The following RBFOX3 variants were observed in gnomAD, a reference collection of about 807,000 sequenced individuals.
RBFOX3 encodes the protein RNA binding fox-1 homolog 3, also known as RNA binding protein fox-1 homolog 3.
RBFOX3 carries 17 observed loss-of-function variants against 48.7 expected under a neutral mutation model. That is an observed-to-expected ratio of 0.35 (90% CI 0.24 to 0.52). The LOEUF is 0.52. RBFOX3 is among the 20% of genes least tolerant of loss of function. RBFOX3 has a pLI of 0.94. For missense variants in RBFOX3, 382 were observed against 497.5 expected (o/e 0.77, Z 2.21); for synonymous variants, 212 against 209.5 (o/e 1.01, Z -0.10).
intron 2 of RBFOX3, among the ~76,000 whole-genome samples, chr17:79,332,585 AAC>A (rs1466534858): frequency 6.6e-6 from 1 of 152,084 alleles, no homozygotes; most frequent in Non-Finnish European, 1.5e-5. Flanking sequence ...AGAAACATAG[AAC>A]CAGAGAGACA....
chr17:79,618,803 C>T, the RBFOX3 span, among the ~76,000 whole-genome samples: 2 of 152,178 alleles, frequency 1.3e-5, no homozygotes, highest in African/African-American at 4.8e-5. Context: ...GAAGTCTTTC[C>T]TCTCAATATC....
intron 3 of RBFOX3, among the ~76,000 whole-genome samples, chr17:79,270,786 G>A (rs1308617519): frequency 6.6e-6 from 1 of 152,224 alleles, no homozygotes; most frequent in Non-Finnish European, 1.5e-5. Flanking sequence ...CAAACACACA[G>A]AGGGACAACA....
chr17:79,664,241 C>G, the RBFOX3 span, among the ~76,000 whole-genome samples: 4 of 151,782 alleles, frequency 2.6e-5, no homozygotes, highest in Admixed American at 1.3e-4. Context: ...GTGGCGCAAT[C>G]TCAGCTCACT....
intron 2 of RBFOX3, among the ~76,000 whole-genome samples, chr17:79,403,090 G>C (rs1254319754): frequency 6.6e-6 from 1 of 152,216 alleles, no homozygotes; most frequent in Admixed American, 6.5e-5. Context: ...TGGCCTTGCT[G>C]GGAGAGGACT....
intron 3 of RBFOX3, among the ~76,000 whole-genome samples, chr17:79,303,064 A>G (rs1372108907): frequency 4.6e-5 from 7 of 151,880 alleles, no homozygotes; most frequent in Non-Finnish European, 7.4e-5. Flanking sequence ...CAAAAATTAG[A>G]TGGTTTTGAT....
chr17:79,388,569 A>G (rs1393084324), intron 2 of RBFOX3, among the ~76,000 whole-genome samples: 1 of 152,194 alleles, frequency 6.6e-6, no homozygotes, highest in East Asian at 1.9e-4. Flanking sequence ...TTTTAAAAAC[A>G]GGGGATTTAA....
At chr17:79,463,660 C>T (rs1241228013) in intron 2 of RBFOX3, among the ~76,000 whole-genome samples, 16 of 141,916 alleles carry the variant, frequency 1.1e-4, no homozygotes, top group African/African-American at 3.8e-4. Context: ...CCACCATCGC[C>T]ACCGCCACCT....
chr17:79,297,757 C>T (rs549246821), intron 3 of RBFOX3, among the ~76,000 whole-genome samples: 2 of 152,350 alleles, frequency 1.3e-5, no homozygotes, highest in African/African-American at 2.4e-5. Context: ...AAGTTATGCC[C>T]TTGGAATTGG....
At chr17:79,438,485 C>A (rs2070079596) in intron 2 of RBFOX3, among the ~76,000 whole-genome samples, 1 of 152,252 alleles carries the variant, frequency 6.6e-6, no homozygotes, top group South Asian at 2.1e-4. Flanking sequence ...GCTCTGCTCT[C>A]CTGGATCTCT....
At chr17:79,536,021 C>G (rs559131495) in intron 1 of RBFOX3, among the ~76,000 whole-genome samples, 1 of 152,296 alleles carries the variant, frequency 6.6e-6, no homozygotes, top group South Asian at 2.1e-4. Context: ...ACTTTCATTC[C>G]TGGCTAGATT....
chr17:79,327,772 T>G (rs577254439), intron 2 of RBFOX3, among the ~76,000 whole-genome samples: 43 of 152,306 alleles, frequency 2.8e-4, no homozygotes, highest in Non-Finnish European at 5.6e-4. Context: ...CTTGGCTCAC[T>G]GCAACCTCCG....
chr17:79,452,980 C>T (rs549725241), intron 2 of RBFOX3, among the ~76,000 whole-genome samples: 1 of 152,228 alleles, frequency 6.6e-6, no homozygotes, highest in Non-Finnish European at 1.5e-5. Context: ...AGACGTGCAG[C>T]TTGGAGCACA....
chr17:79,612,163 G>A (rs1292215702), upstream of RBFOX3, among the ~76,000 whole-genome samples: 1 of 152,192 alleles, frequency 6.6e-6, no homozygotes, highest in African/African-American at 2.4e-5. Context: ...AGGAGGCTGA[G>A]TAATCATTTC....
chr17:79,488,045 C>G (rs1225734783), intron 1 of RBFOX3, among the ~76,000 whole-genome samples: 1 of 151,966 alleles, frequency 6.6e-6, no homozygotes, highest in Non-Finnish European at 1.5e-5. Context: ...AATGAACTTC[C>G]CATTCTACAT....
chr17:79,606,144 T>C (rs2145456927), intron 1 of RBFOX3, among the ~76,000 whole-genome samples: 1 of 152,242 alleles, frequency 6.6e-6, no homozygotes, highest in African/African-American at 2.4e-5. Context: ...CTGGTCTGTC[T>C]AGAGACCAGG....
In RBFOX3 at chr17:79,147,557, G is replaced by C. The variant is rs546173575; in HGVS notation, c.-33-31809C>G. Reference sequence around the variant, plus strand: ...AGATCGGGAGGATCTCATTGGGGAGGGGGGGGGCTCACCTTCTGGTAAGAG... The same window carrying C: ...AGATCGGGAGGATCTCATTGGGGAGCGGGGGGGCTCACCTTCTGGTAAGAG... On this transcript the variant is annotated intron_variant, in intron 4 of 14. Transcript: ENST00000693108. Among the ~76,000 whole-genome samples the C allele has an allele frequency of 1.3e-4, 20 of 152,180 alleles. No individual in the cohort carries two copies. The South Asian group carries it at 1.7e-3, about 13-fold the overall frequency.
the RBFOX3 span, among the ~76,000 whole-genome samples, chr17:79,649,194 G>C: frequency 6.6e-6 from 1 of 151,966 alleles, no homozygotes; most frequent in African/African-American, 2.4e-5. Flanking sequence ...TGCCCAGGCT[G>C]GTCTCAAACT....
At chr17:79,148,277 C>T (rs2043492307) in intron 4 of RBFOX3, among the ~76,000 whole-genome samples, 1 of 152,256 alleles carries the variant, frequency 6.6e-6, no homozygotes, top group Non-Finnish European at 1.5e-5. Context: ...CCCAAGGTCC[C>T]TTCCCAAGCC....
chr17:79,425,681 G>T (rs906009917), intron 2 of RBFOX3, among the ~76,000 whole-genome samples: 1 of 152,212 alleles, frequency 6.6e-6, no homozygotes, highest in Non-Finnish European at 1.5e-5. Flanking sequence ...GAGCAAGGAA[G>T]GGGGAGAAGA....
Sources: gnomAD v4.1 joint callset for allele counts (sites outside exome capture counted in the v4.1 genomes callset) on GRCh38, gnomAD v4.1.1 for gene constraint, MANE v1.5 for transcripts, NCBI Gene and HGNC (gene_info 2026-07-23, HGNC 2026-07-21) for gene names.